The following CXCL12 variants were observed in gnomAD, a reference collection of about 807,000 sequenced individuals.
CXCL12 encodes C-X-C motif chemokine ligand 12.
A neutral mutation model predicts 10.7 loss-of-function variants in CXCL12; 4 were observed. That is an observed-to-expected ratio of 0.37 (90% CI 0.18 to 0.86). The LOEUF is 0.86. Among genes scored for constraint, CXCL12 ranks in the 40% least tolerant of loss-of-function variants. The probability of loss-of-function intolerance (pLI) is 0.43; values close to 1 mark genes in which losing one functional copy is unlikely to be tolerated. For missense variants in CXCL12, 122 were observed against 110.4 expected, an observed-to-expected ratio of 1.10 and a Z score of -0.47; for synonymous variants, 54 against 45.4, an observed-to-expected ratio of 1.19 and a Z score of -0.77.
At chr10:44,373,769 C>T (rs17881813), downstream of CXCL12, among the ~76,000 whole-genome samples, 1,327 of 152,286 alleles carry the variant, frequency 8.7e-3, 18 homozygotes, top group African/African-American at 0.029. Flanking sequence ...CCTTCGCCCT[C>T]GGGGCCTCTC....
chr10:44,384,469 G>T (rs1433458890), intron 1 of CXCL12, among the ~76,000 whole-genome samples: 1 of 152,202 alleles, frequency 6.6e-6, no homozygotes, highest in Non-Finnish European at 1.5e-5. Flanking sequence ...GCCTCAAGTC[G>T]CGGCATGAGG....
downstream of CXCL12, chr10:44,373,423 C>CT: frequency 2.3e-6 from 3 of 1,285,274 alleles, no homozygotes; most frequent in Non-Finnish European, 3.3e-6. Flanking sequence ...CAGCGGCCTG[C>CT]GCGGAGGCCC....
At chr10:44,372,862 T>C, downstream of CXCL12, 1 of 1,529,896 alleles carries the variant, frequency 6.5e-7, no homozygotes, top group Non-Finnish European at 8.7e-7. Context: ...CCCTCCACCA[T>C]CCCATCCCAC....
At chr10:44,375,579 T>A (rs1376572163), downstream of CXCL12, among the ~76,000 whole-genome samples, 1 of 152,210 alleles carries the variant, frequency 6.6e-6, no homozygotes, top group Non-Finnish European at 1.5e-5. Flanking sequence ...AGCTCCCCAG[T>A]GAGCGCAGGC....
downstream of CXCL12, chr10:44,373,263 C>T (rs995721468): frequency 9.0e-5 from 142 of 1,580,094 alleles, no homozygotes; most frequent in Non-Finnish European, 1.2e-4. Context: ...TGTGGCAGGC[C>T]CTTCCCTAAC....
chr10:44,373,175 T>C, downstream of CXCL12: 2 of 1,539,316 alleles, frequency 1.3e-6, no homozygotes, highest in African/African-American at 1.4e-5. Context: ...TGCTACATAA[T>C]CAAATGGTGA....
At chr10:44,373,953 C>G (rs1389322419), downstream of CXCL12, among the ~76,000 whole-genome samples, 1 of 152,172 alleles carries the variant, frequency 6.6e-6, no homozygotes, top group Non-Finnish European at 1.5e-5. Flanking sequence ...AGTTTCAACC[C>G]ACCAGGAATC....
intron 2 of CXCL12, among the ~76,000 whole-genome samples, chr10:44,379,539 G>T (rs868357184): frequency 7.9e-5 from 12 of 152,270 alleles, no homozygotes; most frequent in Middle Eastern, 6.8e-3. Context: ...TGGTTCAGGG[G>T]CACCCAGGGA....
At chr10:44,384,391 C>T (rs546193417) in intron 1 of CXCL12, among the ~76,000 whole-genome samples, 1 of 152,290 alleles carries the variant, frequency 6.6e-6, no homozygotes, top group East Asian at 1.9e-4. Context: ...CCAAGAGCCC[C>T]GCGAGGGTGT....
At chr10:44,376,027 C>A (rs768475407), downstream of CXCL12, 7 of 1,612,720 alleles carry the variant, frequency 4.3e-6, no homozygotes, top group South Asian at 2.2e-5. Context: ...TTCTTCTCTG[C>A]GCCCCCTTAG....
chr10:44,383,969 G>C (rs531693583), intron 1 of CXCL12, among the ~76,000 whole-genome samples: 3 of 152,366 alleles, frequency 2.0e-5, no homozygotes, highest in Admixed American at 1.3e-4. Context: ...TGTGTGTTCA[G>C]AGGCAACAGT....
In CXCL12 at chr10:44,378,258, T is replaced by G; in HGVS notation, c.*375A>C. 7 of 1,465,566 alleles carry G rather than the reference T, an allele frequency of 4.8e-6. No individual in the cohort carries two copies. Among genetic ancestry groups the G allele is most frequent in the Non-Finnish European group, 6.4e-6 (7 of 1,097,580 alleles). 90.8% of individuals were successfully genotyped at this position (1,465,566 alleles called of 1,614,324 possible). ...GCTCCAAACAAGCCAAATTCAGATCTTGAAGTACTCGTTGATTTAAAAAAT... is the reference window on the plus strand; with the variant it reads ...GCTCCAAACAAGCCAAATTCAGATCGTGAAGTACTCGTTGATTTAAAAAAT... On this transcript the variant is annotated 3_prime_UTR_variant, in exon 3 of 3. Coordinates refer to ENST00000343575, the MANE Select transcript of CXCL12 (RefSeq NM_199168.4).
chr10:44,378,772 C>T (rs374685857), intron 2 of CXCL12, 49 bp from the exon 3 acceptor site: 13 of 1,588,928 alleles, frequency 8.2e-6, no homozygotes, highest in East Asian at 2.2e-5. Flanking sequence ...GAGGAAGGCG[C>T]GGCTGCAACG....
chr10:44,377,938 C>T lies in CXCL12; in HGVS notation c.*695G>A. The T allele has an allele frequency of 6.5e-7, 1 of 1,537,946 alleles. No individual in the cohort carries two copies. Among genetic ancestry groups the T allele is most frequent in the Non-Finnish European group, 8.7e-7 (1 of 1,150,122 alleles). On this transcript the variant is annotated 3_prime_UTR_variant, in exon 3 of 3. Coordinates refer to ENST00000343575, the MANE Select transcript of CXCL12 (RefSeq NM_199168.4). ...AATGAGAAGCAGAAGCAAGATTAAG[C>T]ATGCTCTCGGAGTCGGGGAGAGAGT...
downstream of CXCL12, chr10:44,374,846 AC>A: frequency 2.7e-6 from 1 of 371,494 alleles, no homozygotes; most frequent in Non-Finnish European, 5.3e-6. Flanking sequence ...GAGAAATTCA[AC>A]GCATCCTTTT....
chr10:44,381,289 A>G (rs1444409736), intron 1 of CXCL12, among the ~76,000 whole-genome samples: 3 of 152,246 alleles, frequency 2.0e-5, no homozygotes, highest in Non-Finnish European at 2.9e-5. Flanking sequence ...TACTCAGGGA[A>G]AAGAAAGGGG....
chr10:44,383,971 G>C (rs549874521), intron 1 of CXCL12, among the ~76,000 whole-genome samples: 15 of 152,342 alleles, frequency 9.8e-5, no homozygotes, highest in African/African-American at 3.6e-4. Flanking sequence ...TGTGTTCAGA[G>C]GCAACAGTTT....
In CXCL12 at chr10:44,385,020, GGC is replaced by G; in HGVS notation, c.-17_-16del. ...TTGGCGTTCATGGCGCGGGCGGGCG[GGC>G]GGGCGGGCGGACGAGCGCGGGTCGG... is the stretch of plus-strand genomic sequence containing the variant. On this transcript the variant is annotated 5_prime_UTR_variant, in exon 1 of 3. Coordinates refer to ENST00000343575, the MANE Select transcript of CXCL12 (RefSeq NM_199168.4). 2 of 1,450,700 alleles carry G rather than the reference GGC, an allele frequency of 1.4e-6. No individual in the cohort carries two copies. The highest frequency in any genetic ancestry group is 1.3e-5 in the South Asian group (1 of 77,334). 89.9% of individuals were successfully genotyped at this position (1,450,700 alleles called of 1,614,324 possible). A position where few individuals can be genotyped will look rare whatever the true frequency, so the allele number is the denominator to read the frequency against.
Position 44,385,022 on chromosome 10 carries a change from C to A in CXCL12, c.-17G>T. 4.3e-5 allele frequency: 4 copies of A among 93,532 alleles called. No homozygotes were observed. The highest frequency in any genetic ancestry group is 7.3e-5 in the Non-Finnish European group (4 of 54,548). The allele number at this position is 93,532 out of a possible 1,614,324, so 5.8% of individuals were successfully genotyped here. A position where few individuals can be genotyped will look rare whatever the true frequency, so the allele number is the denominator to read the frequency against. ...GGCGTTCATGGCGCGGGCGGGCGGGCGGGCGGGCGGACGAGCGCGGGTCGG... is the reference window on the plus strand; with the variant it reads ...GGCGTTCATGGCGCGGGCGGGCGGGAGGGCGGGCGGACGAGCGCGGGTCGG... On this transcript the variant is annotated 5_prime_UTR_variant, in exon 1 of 3. Coordinates refer to ENST00000343575, the MANE Select transcript of CXCL12 (RefSeq NM_199168.4).
Sources: gnomAD v4.1 joint callset for allele counts (sites outside exome capture counted in the v4.1 genomes callset) on GRCh38, gnomAD v4.1.1 for gene constraint, MANE v1.5 for transcripts, NCBI Gene and HGNC (gene_info 2026-07-23, HGNC 2026-07-21) for gene names.